The following ING5 variants were observed in gnomAD, a reference collection of about 807,000 sequenced individuals.
The protein encoded by ING5 is inhibitor of growth protein 5.
A neutral mutation model predicts 37.4 loss-of-function variants in ING5; 17 were observed. That is an observed-to-expected ratio of 0.45 (90% confidence interval 0.31 to 0.68). The LOEUF is 0.68. ING5 is among the 30% of genes least tolerant of loss of function. The pLI, the probability that ING5 is intolerant of heterozygous loss-of-function variation, is 0.05. For missense variants in ING5, 233 were observed against 311.9 expected, an observed-to-expected ratio of 0.75 and a Z score of 1.91; for synonymous variants, 123 against 116.6, an observed-to-expected ratio of 1.06 and a Z score of -0.36.
upstream of ING5, among the ~76,000 whole-genome samples, chr2:241,698,146 T>C (rs2069657499): frequency 8.9e-6 from 1 of 111,890 alleles, no homozygotes; most frequent in African/African-American, 3.6e-5. Context: ...TGGACTTTGG[T>C]TAATAATAAT....
intron 5 of ING5, among the ~76,000 whole-genome samples, chr2:241,717,736 G>T (rs2070315317): frequency 6.6e-6 from 1 of 150,600 alleles, no homozygotes; most frequent in Non-Finnish European, 1.5e-5. Context: ...ATTGTCACTG[G>T]CTCTTAACAG....
chr2:241,718,325 C>CTCCCTCCCTCACTTCCTTCCTCCT (rs1266184579), intron 5 of ING5, among the ~76,000 whole-genome samples: 3 of 23,580 alleles, frequency 1.3e-4, no homozygotes, highest in Admixed American at 3.2e-4. Flanking sequence ...TCCTCCCTTC[C>CTCCCTCCCTCACTTCCTTCCTCCT]TCCCTCCCTC....
At chr2:241,689,777 A>C (rs1206802930) in intron 1 of ING5, 1 of 152,224 alleles carries the variant, frequency 6.6e-6, no homozygotes, top group Non-Finnish European at 1.5e-5. Flanking sequence ...TAAGTAATAA[A>C]AGTAATATCC....
intron 5 of ING5, among the ~76,000 whole-genome samples, chr2:241,718,418 T>C (rs2070338757): frequency 7.5e-6 from 1 of 132,610 alleles, no homozygotes. Flanking sequence ...TCTCTTTCTG[T>C]CTTTTTTTTT....
chr2:241,691,208 G>A (rs2069548627), intron 2 of ING5, among the ~76,000 whole-genome samples: 1 of 150,740 alleles, frequency 6.6e-6, no homozygotes, highest in African/African-American at 2.4e-5. Flanking sequence ...GGAGGCCGAG[G>A]TGGGTGAATC....
At position 241,725,587 on chromosome 2, in the gene ING5, C is replaced by T. The variant is rs1010888057; in HGVS notation, c.*556C>T. The stretch of plus-strand genomic sequence containing the variant: ...GATGGGCCCGGGAGGGCTGGGGGCT[C>T]TTCCCTGGAGGAAGCGGCCTCCGCT... On this transcript the variant is annotated 3_prime_UTR_variant, in exon 8 of 8. Transcript: ENST00000313552. 1.3e-5 allele frequency: 2 copies of T among 152,416 alleles called. No homozygotes were observed. The highest frequency in any genetic ancestry group is 4.8e-5 in the African/African-American group (2 of 41,454). 9.4% of individuals were successfully genotyped at this position (152,416 alleles called of 1,614,324 possible).
intron 1 of ING5, among the ~76,000 whole-genome samples, chr2:241,689,369 C>T (rs137862957): frequency 0.01 from 1,540 of 152,306 alleles, 21 homozygotes; most frequent in African/African-American, 0.035. Context: ...GTCAGCCTCC[C>T]TAAGTGCTGG....
chr2:241,705,759 C>T (rs920826124), intron 2 of ING5, among the ~76,000 whole-genome samples: 1 of 152,122 alleles, frequency 6.6e-6, no homozygotes, highest in Admixed American at 6.6e-5. Flanking sequence ...CTTATTTTAT[C>T]TCTCGTCAGT....
At chr2:241,720,302 G>A (rs1314088654) in intron 5 of ING5, 4 of 1,225,010 alleles carry the variant, frequency 3.3e-6, no homozygotes, top group Non-Finnish European at 4.1e-6. Context: ...TGGTCACGCT[G>A]TGGTGCCAGG....
At chr2:241,704,094 G>C (rs1399667957) in intron 1 of ING5, among the ~76,000 whole-genome samples, 1 of 152,158 alleles carries the variant, frequency 6.6e-6, no homozygotes, top group Non-Finnish European at 1.5e-5. Flanking sequence ...GGCCTCCCCT[G>C]CCTGTGCTGT....
chr2:241,725,356 G>C lies in ING5; in HGVS notation c.*325G>C, dbSNP rs1691572374. On this transcript the variant is annotated 3_prime_UTR_variant, in exon 8 of 8. Transcript: ENST00000313552. ...GTGCGGGCGGGGACATGGTAACCTG[G>C]TCCACGGAGGGCGGCCGCCACCCTC... 2.9e-6 allele frequency: 1 copy of C among 347,674 alleles called. No individual in the cohort carries two copies. The highest frequency in any genetic ancestry group is 5.4e-6 in the Non-Finnish European group (1 of 185,474). 21.5% of individuals were successfully genotyped at this position (347,674 alleles called of 1,614,324 possible). A position where few individuals can be genotyped will look rare whatever the true frequency, so the allele number is the denominator to read the frequency against.
Position 241,725,221 on chromosome 2 carries a change from G to A in ING5, c.*190G>A. 1 of 637,786 alleles carries A rather than the reference G, an allele frequency of 1.6e-6. No homozygotes were observed. The highest frequency in any genetic ancestry group is 2.6e-5 in the Admixed American group (1 of 38,786). 39.5% of individuals were successfully genotyped at this position (637,786 alleles called of 1,614,324 possible). On this transcript the variant is annotated 3_prime_UTR_variant, in exon 8 of 8. Coordinates refer to ENST00000313552, the MANE Select transcript of ING5 (RefSeq NM_032329.6). Reference sequence around the variant, plus strand: ...TCGCACAGAAGGGCGACCTTGCAGGGACTCGCCGCCGCGACCTCAGTGTGG... The same window carrying A: ...TCGCACAGAAGGGCGACCTTGCAGGAACTCGCCGCCGCGACCTCAGTGTGG...
At chr2:241,708,947 T>A (rs891588837) in intron 2 of ING5, 5 of 306,478 alleles carry the variant, frequency 1.6e-5, no homozygotes, top group Admixed American at 1.5e-4. Context: ...TGTTTGAGAG[T>A]CGAAGAAGGC....
chr2:241,702,037 G>T, upstream of ING5: 1 of 1,363,644 alleles, frequency 7.3e-7, no homozygotes. Flanking sequence ...GCCCGCCCGC[G>T]CAGACCCCGA....
At chr2:241,721,595 G>C in intron 5 of ING5, 1 of 985,412 alleles carries the variant, frequency 1.0e-6, no homozygotes, top group African/African-American at 1.7e-5. Context: ...TCTGCTCCTT[G>C]GCTTTCCCTG....
At chr2:241,693,281 C>T (rs2069583811) in intron 2 of ING5, among the ~76,000 whole-genome samples, 1 of 149,792 alleles carries the variant, frequency 6.7e-6, no homozygotes. Flanking sequence ...AAGCAAAGCT[C>T]CTTAAGGGCC....
chr2:241,687,104 G>A (rs2069446005), exon 1 of ING5: 1 of 388,676 alleles, frequency 2.6e-6, no homozygotes, highest in African/African-American at 2.1e-5. Context: ...TGGACGGCCG[G>A]AGACGCGGGG....
chr2:241,704,194 A>G (rs4675890), intron 1 of ING5, among the ~76,000 whole-genome samples: 21,213 of 152,216 alleles, frequency 0.14, 1,879 homozygotes, highest in East Asian at 0.42. Flanking sequence ...TGGTACCTGC[A>G]TCTAAAAATG....
chr2:241,712,160 G>A, intron 5 of ING5, 89 bp downstream of exon 5: 1 of 1,051,472 alleles, frequency 9.5e-7, no homozygotes, highest in Non-Finnish European at 1.4e-6. Context: ...GCTGACCCGA[G>A]TGAAGTGCAC....
Sources: allele counts gnomAD v4.1 joint callset (sites outside exome capture counted in the v4.1 genomes callset), GRCh38; gene constraint gnomAD v4.1.1; transcripts MANE v1.5; gene names NCBI Gene and HGNC (gene_info 2026-07-23, HGNC 2026-07-21).